Variants in PRKAR1A observed in about 807,000 individuals in gnomAD.
PRKAR1A encodes cAMP-dependent protein kinase type I-alpha regulatory subunit.
PRKAR1A carries 3 observed loss-of-function variants against 52.0 expected under a neutral mutation model. The observed-to-expected ratio is 0.06, with a 90% CI of 0.03 to 0.15. The LOEUF (loss-of-function observed/expected upper bound fraction) is 0.15, where lower values mean the gene tolerates loss of function less well. PRKAR1A is among the 10% of genes least tolerant of loss of function. The pLI is 1.00. For missense variants in PRKAR1A, 240 were observed against 477.4 expected (o/e 0.50, Z 4.63); for synonymous variants, 188 against 168.4 (o/e 1.12, Z -0.90).
In PRKAR1A at chr17:68,515,411, C is replaced by T. The variant is rs2143148544; in HGVS notation, c.12C>T (p.Gly4=). 1 of 1,613,276 alleles carries T rather than the reference C, an allele frequency of 6.2e-7. No individual in the cohort carries two copies. Among genetic ancestry groups the T allele is most frequent in the Non-Finnish European group, 8.5e-7 (1 of 1,180,044 alleles). The part of the protein sequence containing the change: MES[G]STAASEEARS... ...TCTCGCAGAGAACCATGGAGTCTGG[C>T]AGTACCGCCGCCAGTGAGGAGGCAC... The change falls in exon 2 of 11, where the codon GGC becomes GGT. Residue 4 remains glycine, a synonymous_variant. Coordinates refer to ENST00000589228, the MANE Select transcript of PRKAR1A (RefSeq NM_002734.5).
At chr17:68,548,057 G>A (rs1336206648) in intron 11 of PRKAR1A, among the ~76,000 whole-genome samples, 2 of 152,154 alleles carry the variant, frequency 1.3e-5, no homozygotes, top group African/African-American at 2.4e-5. Flanking sequence ...GAGGCCTGAG[G>A]ACTGGGAGAG....
the PRKAR1A span, among the ~76,000 whole-genome samples, chr17:68,472,063 C>T: frequency 6.6e-6 from 1 of 152,202 alleles, no homozygotes; most frequent in Non-Finnish European, 1.5e-5. Context: ...CTGGGCCTCC[C>T]AATGTGCTGG....
At chr17:68,506,817 A>C (rs2085205670), upstream of PRKAR1A, among the ~76,000 whole-genome samples, 1 of 152,088 alleles carries the variant, frequency 6.6e-6, no homozygotes, top group African/African-American at 2.4e-5. Context: ...GTCATGGCTT[A>C]TTTATCTCTG....
chr17:68,468,431 G>T, the PRKAR1A span, among the ~76,000 whole-genome samples: 1 of 152,168 alleles, frequency 6.6e-6, no homozygotes, highest in African/African-American at 2.4e-5. Context: ...GACGTTTTGA[G>T]TATTCCTTTA....
chr17:68,498,584 G>A, the PRKAR1A span, among the ~76,000 whole-genome samples: 1 of 152,170 alleles, frequency 6.6e-6, no homozygotes, highest in Non-Finnish European at 1.5e-5. Context: ...CTGCCTTTGA[G>A]AAATAGCCTG....
At chr17:68,428,754 TGTC>T in the PRKAR1A span, 5 of 1,168,720 alleles carry the variant, frequency 4.3e-6, no homozygotes, top group Admixed American at 1.9e-5. Context: ...CACTGAAGCT[TGTC>T]GTTCTTGGCG....
the PRKAR1A span, among the ~76,000 whole-genome samples, chr17:68,449,495 C>T: frequency 2.0e-5 from 3 of 152,142 alleles, no homozygotes. Context: ...AATCTCATGT[C>T]GAATTGTAAT....
the PRKAR1A span, among the ~76,000 whole-genome samples, chr17:68,474,116 T>G: frequency 6.6e-6 from 1 of 152,240 alleles, no homozygotes; most frequent in Non-Finnish European, 1.5e-5. Flanking sequence ...TCATTCTTGC[T>G]AATCTTTCTA....
chr17:68,499,869 C>A, the PRKAR1A span, among the ~76,000 whole-genome samples: 4 of 152,208 alleles, frequency 2.6e-5, no homozygotes, highest in Non-Finnish European at 2.9e-5. Flanking sequence ...GCTCGCCATG[C>A]AGTTACGACT....
the PRKAR1A span, chr17:68,435,564 A>C: frequency 1.9e-6 from 3 of 1,547,530 alleles, no homozygotes; most frequent in Admixed American, 1.7e-5. Context: ...ATCCCTGCGC[A>C]CGGCAGGAGC....
the PRKAR1A span, among the ~76,000 whole-genome samples, chr17:68,484,302 G>A: frequency 6.6e-6 from 1 of 152,102 alleles, no homozygotes; most frequent in Non-Finnish European, 1.5e-5. Context: ...CTTGCACATC[G>A]GTCAGATTTA....
At chr17:68,516,897 C>T (rs1006160162) in intron 2 of PRKAR1A, among the ~76,000 whole-genome samples, 43 of 152,252 alleles carry the variant, frequency 2.8e-4, no homozygotes, top group African/African-American at 8.7e-4. Context: ...CCTGGAGATC[C>T]GGTTTTGAAA....
At chr17:68,492,014 G>C in the PRKAR1A span, among the ~76,000 whole-genome samples, 1 of 152,196 alleles carries the variant, frequency 6.6e-6, no homozygotes, top group Non-Finnish European at 1.5e-5. Flanking sequence ...CATCCAAGCT[G>C]TTAGGTTAAA....
chr17:68,415,667 G>A, the PRKAR1A span, among the ~76,000 whole-genome samples: 8 of 152,170 alleles, frequency 5.3e-5, no homozygotes, highest in East Asian at 5.8e-4. Flanking sequence ...CATTTCTTAC[G>A]TTATTAGTAA....
intron 2 of PRKAR1A, among the ~76,000 whole-genome samples, chr17:68,522,485 T>G (rs1037485094): frequency 6.6e-6 from 1 of 152,250 alleles, no homozygotes; most frequent in Non-Finnish European, 1.5e-5. Context: ...GATTTGTTAC[T>G]CACATGTTAT....
chr17:68,474,411 G>A, the PRKAR1A span, among the ~76,000 whole-genome samples: 2 of 152,170 alleles, frequency 1.3e-5, no homozygotes, highest in African/African-American at 4.8e-5. Context: ...TACAGGAGGT[G>A]TTTGAGGCTT....
the PRKAR1A span, among the ~76,000 whole-genome samples, chr17:68,433,760 G>GTTGTTTTTTT: frequency 2.7e-5 from 2 of 72,814 alleles, 1 homozygote. Context: ...AAGGGTCATA[G>GTTGTTTTTTT]TTTTTTTTTT....
the PRKAR1A span, among the ~76,000 whole-genome samples, chr17:68,504,973 T>G: frequency 6.6e-6 from 1 of 151,878 alleles, no homozygotes; most frequent in East Asian, 1.9e-4. Context: ...AAATAAAAAA[T>G]AGAGAGAAAA....
the PRKAR1A span, among the ~76,000 whole-genome samples, chr17:68,492,306 C>G: frequency 1.3e-5 from 2 of 152,048 alleles, no homozygotes; most frequent in Non-Finnish European, 2.9e-5. Context: ...AGATATTGCA[C>G]GGTTTGAGGC....
Sources: gnomAD v4.1 joint callset for allele counts (sites outside exome capture counted in the v4.1 genomes callset) on GRCh38, gnomAD v4.1.1 for gene constraint, MANE v1.5 for transcripts, NCBI Gene and HGNC (gene_info 2026-07-23, HGNC 2026-07-21) for gene names.